Variants in DPYD observed in about 807,000 individuals in gnomAD.
DPYD encodes dihydropyrimidine dehydrogenase.
A neutral mutation model predicts 116.2 loss-of-function variants in DPYD; 109 were observed. The observed-to-expected ratio is 0.94, with a 90% CI of 0.80 to 1.10. The LOEUF (loss-of-function observed/expected upper bound fraction) is 1.10. Among genes scored for constraint, DPYD ranks in the 50% least tolerant of loss-of-function variants. The pLI is 0.00. For missense variants in DPYD, 1,302 were observed against 1,254.5 expected (o/e 1.04, Z -0.57); for synonymous variants, 440 against 432.0 (o/e 1.02, Z -0.23).
intron 16 of DPYD, among the ~76,000 whole-genome samples, chr1:97,362,194 C>A (rs1251396812): frequency 6.6e-6 from 1 of 152,312 alleles, no homozygotes; most frequent in South Asian, 2.1e-4. Context: ...TGAGCGAACT[C>A]CCATTCACGA....
At chr1:97,247,458 T>A (rs1464140114) in intron 18 of DPYD, among the ~76,000 whole-genome samples, 1 of 152,182 alleles carries the variant, frequency 6.6e-6, no homozygotes, top group African/African-American at 2.4e-5. Flanking sequence ...CATATCTGTG[T>A]GGCCCCTGAG....
chr1:97,591,878 A>G (rs1654544396), intron 10 of DPYD, among the ~76,000 whole-genome samples: 1 of 152,044 alleles, frequency 6.6e-6, no homozygotes, highest in Non-Finnish European at 1.5e-5. Flanking sequence ...ATTATTGCCT[A>G]AGACTGTATC....
intron 5 of DPYD, among the ~76,000 whole-genome samples, chr1:97,707,229 CT>C (rs749696969): frequency 3.9e-5 from 6 of 152,102 alleles, no homozygotes; most frequent in Non-Finnish European, 8.8e-5. Flanking sequence ...TACCTTGCCC[CT>C]GTCACATGTA....
At chr1:97,366,038 T>A (rs1671019059) in intron 16 of DPYD, among the ~76,000 whole-genome samples, 1 of 152,168 alleles carries the variant, frequency 6.6e-6, no homozygotes, top group Non-Finnish European at 1.5e-5. Context: ...GGTGTTGCTT[T>A]CAACTAAAAA....
At chr1:97,415,330 T>A (rs1312881647) in intron 14 of DPYD, among the ~76,000 whole-genome samples, 1 of 152,174 alleles carries the variant, frequency 6.6e-6, no homozygotes, top group African/African-American at 2.4e-5. Flanking sequence ...ACACTTCATC[T>A]ACAATTATAT....
At chr1:97,605,266 C>T (rs1655514021) in intron 8 of DPYD, among the ~76,000 whole-genome samples, 1 of 151,992 alleles carries the variant, frequency 6.6e-6, no homozygotes, top group Non-Finnish European at 1.5e-5. Context: ...GACTGTATCC[C>T]CACCCAAATC....
intron 8 of DPYD, among the ~76,000 whole-genome samples, chr1:97,656,966 A>ATTTT (rs71590230): frequency 2.6e-5 from 3 of 116,514 alleles, no homozygotes; most frequent in Admixed American, 9.1e-5. Context: ...GCATGATTGT[A>ATTTT]TTTTTTTTTT....
intron 14 of DPYD, among the ~76,000 whole-genome samples, chr1:97,386,127 A>T (rs1236510085): frequency 6.6e-6 from 1 of 152,116 alleles, no homozygotes; most frequent in African/African-American, 2.4e-5. Flanking sequence ...TGCTCTGAGC[A>T]GCCAAGCACT....
intron 10 of DPYD, among the ~76,000 whole-genome samples, chr1:97,580,467 T>C (rs1181823001): frequency 6.6e-6 from 1 of 152,130 alleles, no homozygotes; most frequent in African/African-American, 2.4e-5. Context: ...AACCAAACAT[T>C]TGTTAAATAT....
chr1:97,153,118 C>G (rs749233397), intron 20 of DPYD, among the ~76,000 whole-genome samples: 1 of 151,982 alleles, frequency 6.6e-6, no homozygotes, highest in Non-Finnish European at 1.5e-5. Context: ...TTGGTCAAGG[C>G]AAAACTGCAG....
intron 18 of DPYD, among the ~76,000 whole-genome samples, chr1:97,236,924 T>C (rs1661972263): frequency 6.6e-6 from 1 of 151,932 alleles, no homozygotes; most frequent in Non-Finnish European, 1.5e-5. Context: ...AAAAATAAAG[T>C]CTAAAACAGA....
intron 14 of DPYD, among the ~76,000 whole-genome samples, chr1:97,402,755 A>G (rs1673442598): frequency 6.6e-6 from 1 of 152,098 alleles, no homozygotes; most frequent in African/African-American, 2.4e-5. Flanking sequence ...TATTTTATAG[A>G]TATTCTTTAT....
intron 13 of DPYD, among the ~76,000 whole-genome samples, chr1:97,452,732 C>T (rs1255630932): frequency 6.6e-6 from 1 of 151,902 alleles, no homozygotes; most frequent in Non-Finnish European, 1.5e-5. Context: ...TAGCATCTCT[C>T]CCCTCTTTCT....
chr1:97,484,176 G>A (rs1032153931), intron 13 of DPYD, among the ~76,000 whole-genome samples: 7 of 152,120 alleles, frequency 4.6e-5, no homozygotes, highest in African/African-American at 7.2e-5. Flanking sequence ...GTGGCGGCTT[G>A]TGCCAGTAAT....
chr1:97,304,041 G>A (rs973649359), intron 18 of DPYD, among the ~76,000 whole-genome samples: 1 of 152,000 alleles, frequency 6.6e-6, no homozygotes, highest in Non-Finnish European at 1.5e-5. Context: ...CAGCTTAAAT[G>A]AGAAAACATG....
intron 18 of DPYD, among the ~76,000 whole-genome samples, chr1:97,298,420 T>C (rs1174244729): frequency 1.3e-5 from 2 of 152,132 alleles, no homozygotes; most frequent in Non-Finnish European, 2.9e-5. Flanking sequence ...ACCAAGAGGA[T>C]GTTGATATGC....
chr1:97,416,071 C>A (rs1674274347), intron 14 of DPYD, among the ~76,000 whole-genome samples: 1 of 152,008 alleles, frequency 6.6e-6, no homozygotes, highest in African/African-American at 2.4e-5. Flanking sequence ...AAGAGAAATC[C>A]AATAATATTA....
At chr1:97,364,939 T>C (rs1441791719) in intron 16 of DPYD, among the ~76,000 whole-genome samples, 1 of 152,194 alleles carries the variant, frequency 6.6e-6, no homozygotes, top group Non-Finnish European at 1.5e-5. Flanking sequence ...TTAAACTGAC[T>C]GCACCATAAA....
intron 14 of DPYD, among the ~76,000 whole-genome samples, chr1:97,395,091 T>A (rs372133494): frequency 1.3e-5 from 2 of 151,894 alleles, no homozygotes; most frequent in Admixed American, 1.3e-4. Flanking sequence ...CTCCTCTGAC[T>A]TCCTTTGGCA....
Sources: gnomAD v4.1 joint callset for allele counts (sites outside exome capture counted in the v4.1 genomes callset) on GRCh38, gnomAD v4.1.1 for gene constraint, MANE v1.5 for transcripts, NCBI Gene and HGNC (gene_info 2026-07-23, HGNC 2026-07-21) for gene names.